The following COL18A1 variants were observed in gnomAD, a reference collection of about 807,000 sequenced individuals.
COL18A1 encodes collagen type XVIII alpha 1 chain.
COL18A1 carries 133 observed loss-of-function variants against 168.0 expected under a neutral mutation model. That is an observed-to-expected ratio of 0.79 (90% CI 0.69 to 0.91). The LOEUF (loss-of-function observed/expected upper bound fraction) is 0.91, where lower values mean the gene tolerates loss of function less well. Among genes scored for constraint, COL18A1 ranks in the 40% least tolerant of loss-of-function variants. The probability of loss-of-function intolerance (pLI) is 0.00; values close to 1 mark genes in which losing one functional copy is unlikely to be tolerated. For synonymous variants in COL18A1, 949 were observed against 809.0 expected (o/e 1.17, Z -2.94); for missense variants, 2,126 against 1,925.4 (o/e 1.10, Z -1.95).
chr21:45,471,040 G>C lies in COL18A1; in HGVS notation c.651+2254G>C, dbSNP rs971088351. On this transcript the variant is annotated intron_variant, in intron 3 of 41. Transcript: ENST00000651438. The surrounding 1 kb of genome is among the most constrained non-coding windows in gnomAD (Gnocchi z 4.4). Reference sequence around the variant, plus strand: ...GTGCTACGGGCTTGTGCTGCTGGGTGTGGGTGGCGCGCTACGGGCCTTGTG... The same window carrying C: ...GTGCTACGGGCTTGTGCTGCTGGGTCTGGGTGGCGCGCTACGGGCCTTGTG... 3.4e-4 allele frequency among the ~76,000 whole-genome samples: 50 copies of C among 145,278 alleles called. No homozygotes were observed. Among genetic ancestry groups the C allele is most frequent in the Non-Finnish European group, 6.3e-4 (41 of 65,132 alleles).
At chr21:45,481,464 AG>A (rs1402271199) in intron 13 of COL18A1, among the ~76,000 whole-genome samples, 1 of 152,166 alleles carries the variant, frequency 6.6e-6, no homozygotes, top group Non-Finnish European at 1.5e-5. Context: ...CATGACGTGC[AG>A]GGCAGGGAGT....
At chr21:45,495,018 G>A (rs1041134989) in intron 28 of COL18A1, 103 bp downstream of exon 28, 35 of 1,025,278 alleles carry the variant, frequency 3.4e-5, no homozygotes, top group African/African-American at 2.2e-4. Context: ...GTGGACGGCC[G>A]CCGCACCCAC....
intron 2 of COL18A1, among the ~76,000 whole-genome samples, chr21:45,441,807 C>G (rs998349998): frequency 6.6e-6 from 1 of 152,234 alleles, no homozygotes; most frequent in Non-Finnish European, 1.5e-5. Flanking sequence ...GAAAATGTCC[C>G]ATGTCCTTAA....
At chr21:45,472,685 G>A (rs1199899223) in intron 3 of COL18A1, among the ~76,000 whole-genome samples, 2 of 152,176 alleles carry the variant, frequency 1.3e-5, no homozygotes, top group Non-Finnish European at 2.9e-5. Flanking sequence ...GGCACTGTAG[G>A]CAACGCCCTC....
rs2036466444 is a variant in COL18A1, at chr21:45,494,529, T to C, written c.2353-16T>C. 8 of 1,613,336 alleles carry C rather than the reference T, an allele frequency of 5.0e-6. No homozygotes were observed. The South Asian group carries it at 5.5e-5, about 11-fold the overall frequency. The stretch of plus-strand genomic sequence containing the variant: ...CAAGCTGCCACCTAACCCTGTCTTC[T>C]TGTTTTTTTGCTCAGGGAGAGCCGG... On this transcript the variant is annotated splice_polypyrimidine_tract_variant and intron_variant, in intron 26 of 41. Coordinates refer to ENST00000651438, the MANE Select transcript of COL18A1 (RefSeq NM_001379500.1).
rs140058273 is a variant in COL18A1 at position 45,460,161 on chromosome 21, G to A, written c.107-8081G>A. 4.7e-4 allele frequency among the ~76,000 whole-genome samples: 71 copies of A among 152,346 alleles called. 1 individual carries two copies. In the Middle Eastern group the frequency reaches 0.017, roughly 36 times the overall value. On this transcript the variant is annotated intron_variant, in intron 2 of 41. Transcript: ENST00000651438. ...GGGCCCAGCAGCCTGGCCCCAGAGC[G>A]CTCTTCAGCATCGCAGCAGATGCAG...
intron 2 of COL18A1, chr21:45,456,038 C>T: frequency 1.2e-6 from 2 of 1,609,022 alleles, no homozygotes; most frequent in Admixed American, 3.3e-5. Flanking sequence ...CACTCTCTGG[C>T]CCAGCCGTGG....
At chr21:45,424,404 C>G (rs117019041) in intron 2 of COL18A1, 3,411 of 152,472 alleles carry the variant, frequency 0.022, 57 homozygotes, top group Middle Eastern at 0.071. Flanking sequence ...TGGAGCGCAG[C>G]TCTGCTGTGG....
rs375606333 is a variant in COL18A1 at position 45,495,366 on chromosome 21, C to T, written c.2442C>T (p.Pro814=). 140 of 1,609,396 alleles carry T rather than the reference C, an allele frequency of 8.7e-5. No homozygotes were observed. Among genetic ancestry groups the T allele is most frequent in the Non-Finnish European group, 1.0e-4 (122 of 1,178,006 alleles). ...EIGFPGRPGR[P]GMNGLKGEKG... is the part of the protein sequence containing the mutation. The stretch of plus-strand genomic sequence containing the variant: ...CCTGTGCTCCGCCCCAGGGTCGCCC[C>T]GGGATGAACGGATTGAAAGGAGAGA... Residue 814 remains proline, a synonymous_variant, in exon 29 of 42, where the codon CCC becomes CCT. Coordinates refer to ENST00000651438, the MANE Select transcript of COL18A1 (RefSeq NM_001379500.1).
intron 27 of COL18A1, 139 bp downstream of exon 27, chr21:45,494,710 G>C: frequency 1.4e-6 from 2 of 1,391,094 alleles, no homozygotes; most frequent in Non-Finnish European, 1.0e-6. Flanking sequence ...TGTGGGGCAG[G>C]TGTCGGCGTG....
intron 32 of COL18A1, among the ~76,000 whole-genome samples, chr21:45,501,741 C>T (rs11702311): frequency 0.01 from 721 of 68,864 alleles, 7 homozygotes; most frequent in Middle Eastern, 0.025. Context: ...CCCAGGGGCT[C>T]CACAGCCGGT....
chr21:45,486,067 C>G (rs1235495906), intron 15 of COL18A1, among the ~76,000 whole-genome samples: 48 of 152,238 alleles, frequency 3.2e-4, no homozygotes, highest in Non-Finnish European at 7.3e-5. Flanking sequence ...TCACGCCCCC[C>G]ACACCGGGCT....
intron 3 of COL18A1, among the ~76,000 whole-genome samples, chr21:45,470,207 C>T (rs1027011201): frequency 1.4e-5 from 2 of 145,160 alleles, no homozygotes; most frequent in African/African-American, 2.8e-5. Flanking sequence ...TTTAATTTTG[C>T]ATTTCTTGGA....
At chr21:45,476,774 TGTGTG>T (rs761754300) in intron 6 of COL18A1, among the ~76,000 whole-genome samples, 10 of 151,448 alleles carry the variant, frequency 6.6e-5, no homozygotes, top group East Asian at 1.9e-4. Context: ...GTGTGTATTG[TGTGTG>T]GTGTGGTGTG....
rs186729427 is a variant in COL18A1 at position 45,454,309 on chromosome 21, G to A, written c.107-13933G>A. On this transcript the variant is annotated intron_variant, in intron 2 of 41. Transcript: ENST00000651438. ...ATGTCCTGACCTGGGGACAGCTGGG[G>A]ACAGGTTGTGGGGCTGTTTCGTCAC... Among the ~76,000 whole-genome samples, 241 of 152,288 alleles carry A rather than the reference G, an allele frequency of 1.6e-3. 1 individual carries two copies. The highest frequency in any genetic ancestry group is 5.6e-3 in the African/African-American group (233 of 41,554).
Position 45,481,975 on chromosome 21 carries a change from C to T in COL18A1, c.1624C>T (p.Pro542Ser). The T allele has an allele frequency of 2.5e-6, 4 of 1,613,262 alleles. No homozygotes were observed. Among genetic ancestry groups the T allele is most frequent in the Non-Finnish European group, 2.5e-6 (3 of 1,179,222 alleles). The change falls in exon 14 of 42, where the codon CCT (proline) becomes TCT (serine). Residue 542 changes from proline (P) to serine (S), a missense_variant. Pro to Ser is a moderately conservative substitution (Grantham distance 74). Coordinates refer to ENST00000651438, the MANE Select transcript of COL18A1 (RefSeq NM_001379500.1). ...TGCTCTCCCCCAGGGACCCCCAGGC[C>T]CTCCGGGAAGAGAGGGGCCCCCAGG... The part of the protein sequence containing the change: ...GFPGLPGPPG[P>S]PGREGPPGRT...
At position 45,457,745 on chromosome 21, in the gene COL18A1, G is replaced by A. The variant is rs1041985687; in HGVS notation, c.107-10497G>A. On this transcript the variant is annotated intron_variant, in intron 2 of 41. Coordinates refer to ENST00000651438, the MANE Select transcript of COL18A1 (RefSeq NM_001379500.1). This position sits in a 1 kb window ranked among gnomAD's most constrained non-coding sequence, Gnocchi z 4.6. ...AGGCCCTATCCCCGCAGGGTGAGGT[G>A]CTCTGTCCTCCTCTGCTGTCCTCCC... Among the ~76,000 whole-genome samples the A allele has an allele frequency of 6.6e-6, 1 of 152,200 alleles. No individual in the cohort carries two copies. The highest frequency in any genetic ancestry group is 1.9e-4 in the East Asian group (1 of 5,180).
rs1293911500 is a variant in COL18A1 at position 45,490,870 on chromosome 21, AGGT to A, written c.2067+1_2067+3del. The A allele has an allele frequency of 1.3e-6, 2 of 1,548,212 alleles. No individual in the cohort carries two copies. Among genetic ancestry groups the A allele is most frequent in the Non-Finnish European group, 1.7e-6 (2 of 1,145,828 alleles). On this transcript the variant is annotated splice_donor_variant and coding_sequence_variant, in exon 21 of 42. Coordinates refer to ENST00000651438, the MANE Select transcript of COL18A1 (RefSeq NM_001379500.1). LOFTEE classifies it high-confidence loss of function. ...GGAGACAGAGGCAGCCGGGGAGAAAAGGTGAGTGTCCCTGGGGCGGGTGGATGG... is the reference window on the plus strand; with the variant it reads ...GGAGACAGAGGCAGCCGGGGAGAAAAGAGTGTCCCTGGGGCGGGTGGATGG...
At chr21:45,451,338 G>T (rs2034618249) in intron 2 of COL18A1, among the ~76,000 whole-genome samples, 1 of 152,222 alleles carries the variant, frequency 6.6e-6, no homozygotes, top group South Asian at 2.1e-4. Context: ...CTGTGATGAT[G>T]TGCAACCCAG....
Sources: allele counts gnomAD v4.1 joint callset (sites outside exome capture counted in the v4.1 genomes callset), GRCh38; gene constraint gnomAD v4.1.1; non-coding constraint Gnocchi (gnomAD v3.1); transcripts MANE v1.5; gene names NCBI Gene and HGNC (gene_info 2026-07-23, HGNC 2026-07-21).